Variants in DSCAM observed in about 807,000 individuals in gnomAD.
DSCAM encodes the protein cell adhesion molecule DSCAM.
Under a neutral mutation model 217.7 loss-of-function variants are expected in DSCAM, and 47 were observed. That is an observed-to-expected ratio of 0.22 (90% CI 0.17 to 0.28). The LOEUF (loss-of-function observed/expected upper bound fraction) is 0.28. Ranked by LOEUF, DSCAM falls within the 10% of genes least tolerant of loss-of-function variation. The probability of loss-of-function intolerance (pLI) is 1.00; values close to 1 mark genes in which losing one functional copy is unlikely to be tolerated. For missense variants in DSCAM, 2,080 were observed against 2,618.3 expected (o/e 0.79, Z 4.49); for synonymous variants, 1,056 against 1,015.3 (o/e 1.04, Z -0.76).
At chr21:40,745,966 A>C (rs764517789) in intron 1 of DSCAM, among the ~76,000 whole-genome samples, 29 of 152,082 alleles carry the variant, frequency 1.9e-4, no homozygotes, top group Non-Finnish European at 3.4e-4. Context: ...AGTCAAAGTT[A>C]AGTTGTTAAT....
intron 1 of DSCAM, among the ~76,000 whole-genome samples, chr21:40,779,360 G>A (rs181918076): frequency 5.9e-5 from 9 of 152,230 alleles, no homozygotes; most frequent in Admixed American, 2.0e-4. Context: ...GGATTCTGAC[G>A]AAGAGAAATT....
intron 3 of DSCAM, among the ~76,000 whole-genome samples, chr21:40,429,317 A>G (rs565743892): frequency 6.6e-6 from 1 of 150,852 alleles, no homozygotes; most frequent in African/African-American, 2.4e-5. Flanking sequence ...CCCAGGCTGG[A>G]GTACAGTGGC....
chr21:40,096,748 A>G (rs560055007), intron 20 of DSCAM, among the ~76,000 whole-genome samples: 164 of 152,256 alleles, frequency 1.1e-3, no homozygotes, highest in African/African-American at 3.4e-3. Context: ...CAAACTACTC[A>G]AGAGTTTTAG....
At chr21:40,577,474 T>C (rs458934) in intron 3 of DSCAM, among the ~76,000 whole-genome samples, 120,475 of 152,108 alleles carry the variant, frequency 0.79, 47,882 homozygotes, top group African/African-American at 0.84. Context: ...CCGAGCCGGC[T>C]GTCCTTCCGG....
At chr21:40,652,206 G>A (rs2146361927) in intron 3 of DSCAM, among the ~76,000 whole-genome samples, 1 of 152,088 alleles carries the variant, frequency 6.6e-6, no homozygotes, top group Middle Eastern at 3.4e-3. Context: ...GATGGATGTG[G>A]GGCTTAATAC....
rs58461690 is a variant in DSCAM at position 40,033,917 on chromosome 21, G to C, written c.5686+8454C>G. Reference sequence around the variant, plus strand: ...TGGGAGGCACCCCCCAGCAGGGGCAGACTGACACCTCACAGGGCAGGGTAC... The same window carrying C: ...TGGGAGGCACCCCCCAGCAGGGGCACACTGACACCTCACAGGGCAGGGTAC... On this transcript the variant is annotated intron_variant, in intron 32 of 32. Transcript: ENST00000400454. Among the ~76,000 whole-genome samples the C allele has an allele frequency of 5.1e-3, 719 of 140,016 alleles. 26 individuals are homozygous for C. Among genetic ancestry groups the C allele is most frequent in the African/African-American group, 0.018 (631 of 35,830 alleles). 91.9% of individuals were successfully genotyped at this position (140,016 alleles called of 152,430 possible).
chr21:40,170,835 T>G, intron 15 of DSCAM, among the ~76,000 whole-genome samples: 1 of 152,212 alleles, frequency 6.6e-6, no homozygotes, highest in East Asian at 1.9e-4. Flanking sequence ...TTGGAGGCAA[T>G]GTCAGGAGCA....
chr21:40,485,228 ACTTT>A (rs1183477109), intron 3 of DSCAM, among the ~76,000 whole-genome samples: 5 of 142,086 alleles, frequency 3.5e-5, no homozygotes, highest in Admixed American at 7.4e-5. Flanking sequence ...TATCACACTG[ACTTT>A]CTTTCTTTTT....
At chr21:40,464,722 A>G (rs1395923900) in intron 3 of DSCAM, among the ~76,000 whole-genome samples, 2 of 150,382 alleles carry the variant, frequency 1.3e-5, no homozygotes, top group Non-Finnish European at 2.9e-5. Context: ...TCCGTCACTA[A>G]TTCATTCTCC....
intron 8 of DSCAM, among the ~76,000 whole-genome samples, chr21:40,314,501 T>C (rs902020085): frequency 6.6e-6 from 1 of 152,194 alleles, no homozygotes; most frequent in Non-Finnish European, 1.5e-5. Flanking sequence ...GTATGAACGT[T>C]CTCAGTTGGA....
At chr21:40,449,340 A>G (rs935549442) in intron 3 of DSCAM, among the ~76,000 whole-genome samples, 17 of 152,126 alleles carry the variant, frequency 1.1e-4, no homozygotes, top group Admixed American at 1.0e-3. Context: ...TTCTATCACA[A>G]TATTTTTATA....
intron 16 of DSCAM, among the ~76,000 whole-genome samples, chr21:40,155,517 C>G (rs111237581): frequency 0.025 from 3,868 of 151,794 alleles, 184 homozygotes; most frequent in African/African-American, 0.088. Flanking sequence ...GGCAGGGGCC[C>G]GAGAAAGGCC....
At chr21:40,078,522 G>A (rs1017980955) in intron 26 of DSCAM, among the ~76,000 whole-genome samples, 165 bp downstream of exon 26, 3 of 152,092 alleles carry the variant, frequency 2.0e-5, no homozygotes, top group African/African-American at 7.2e-5. Flanking sequence ...TGGATATAAC[G>A]AACTAGGGAG....
At chr21:40,252,533 TAAG>T (rs2073319117) in intron 11 of DSCAM, among the ~76,000 whole-genome samples, 1 of 152,214 alleles carries the variant, frequency 6.6e-6, no homozygotes, top group Non-Finnish European at 1.5e-5. Context: ...AGTGTTGGGA[TAAG>T]GAGAGATTTT....
At chr21:40,229,466 A>G (rs933223601) in intron 11 of DSCAM, among the ~76,000 whole-genome samples, 6 of 152,196 alleles carry the variant, frequency 3.9e-5, no homozygotes, top group African/African-American at 7.2e-5. Context: ...ATCATACATA[A>G]TATCCTCAAC....
chr21:40,471,658 C>T (rs1270824388), intron 3 of DSCAM, among the ~76,000 whole-genome samples: 1 of 152,214 alleles, frequency 6.6e-6, no homozygotes. Flanking sequence ...GGAGCCAGCA[C>T]TGGCTCCCAA....
chr21:40,244,426 G>T (rs1372725061), intron 11 of DSCAM, among the ~76,000 whole-genome samples: 2 of 151,026 alleles, frequency 1.3e-5, no homozygotes, highest in Non-Finnish European at 2.9e-5. Flanking sequence ...ACTCCAGCCT[G>T]GGTGACAGAA....
chr21:40,473,901 C>T (rs1198865930), intron 3 of DSCAM, among the ~76,000 whole-genome samples: 2 of 152,138 alleles, frequency 1.3e-5, no homozygotes, highest in Non-Finnish European at 2.9e-5. Context: ...GACTTAGAGC[C>T]TCCAAAACTA....
At chr21:40,164,763 T>C (rs62235666) in intron 16 of DSCAM, among the ~76,000 whole-genome samples, 20,365 of 152,058 alleles carry the variant, frequency 0.13, 1,435 homozygotes, top group African/African-American at 0.14. Context: ...GATCGTGTCA[T>C]TGCACTCCAG....
Sources: gnomAD v4.1 joint callset for allele counts (sites outside exome capture counted in the v4.1 genomes callset) on GRCh38, gnomAD v4.1.1 for gene constraint, MANE v1.5 for transcripts, NCBI Gene and HGNC (gene_info 2026-07-23, HGNC 2026-07-21) for gene names.